The following GALNT13 variants were observed in gnomAD, a reference collection of about 807,000 sequenced individuals.
GALNT13 encodes the protein UDP-GalNAc:polypeptide N-acetylgalactosaminyltransferase 13.
In GALNT13, 28 loss-of-function variants were observed where a neutral mutation model predicts 64.2. The ratio of observed to expected loss-of-function variants is 0.44; its 90% confidence interval spans 0.32 to 0.60. The LOEUF (loss-of-function observed/expected upper bound fraction) is 0.60. GALNT13 is among the 20% of genes least tolerant of loss of function. The pLI is 0.05. For synonymous variants in GALNT13, 214 were observed against 224.6 expected (o/e 0.95, Z 0.42); for missense variants, 577 against 669.8 (o/e 0.86, Z 1.53).
chr2:153,556,116 T>C, the GALNT13 span, among the ~76,000 whole-genome samples: 2 of 152,228 alleles, frequency 1.3e-5, no homozygotes, highest in Non-Finnish European at 2.9e-5. Context: ...TTCATTTTTC[T>C]TTTTTCATAG....
the GALNT13 span, among the ~76,000 whole-genome samples, chr2:153,526,943 AGAAG>A: frequency 6.6e-6 from 1 of 152,190 alleles, no homozygotes; most frequent in Non-Finnish European, 1.5e-5. Context: ...AGAACTGAGC[AGAAG>A]AAGAAACCCT....
At chr2:154,454,643 C>G (rs961876475), downstream of GALNT13, 11 of 151,284 alleles carry the variant, frequency 7.3e-5, no homozygotes, top group African/African-American at 2.2e-4. Flanking sequence ...AGCCTCAAGA[C>G]TGTCTCAAAA....
chr2:154,252,875 G>A (rs955392716), intron 7 of GALNT13, among the ~76,000 whole-genome samples: 7 of 151,994 alleles, frequency 4.6e-5, no homozygotes, highest in African/African-American at 1.7e-4. Context: ...AACTAGTTAG[G>A]GGTCCTTGAA....
chr2:153,319,350 T>C, the GALNT13 span, among the ~76,000 whole-genome samples: 4 of 152,300 alleles, frequency 2.6e-5, no homozygotes, highest in South Asian at 8.3e-4. Flanking sequence ...TCATGGCTCA[T>C]TGCCGCCTCA....
intron 7 of GALNT13, among the ~76,000 whole-genome samples, chr2:154,248,386 T>C (rs191438249): frequency 3.9e-5 from 6 of 152,238 alleles, no homozygotes; most frequent in Admixed American, 2.6e-4. Context: ...TAATTACGAA[T>C]ATATATTTTC....
chr2:154,392,719 A>C (rs35237541), intron 9 of GALNT13, among the ~76,000 whole-genome samples: 9,104 of 152,296 alleles, frequency 0.06, 284 homozygotes, highest in Middle Eastern at 0.12. Context: ...AAATCACGGT[A>C]CACTTTTGGT....
At chr2:153,197,992 C>A in the GALNT13 span, among the ~76,000 whole-genome samples, 1 of 152,170 alleles carries the variant, frequency 6.6e-6, no homozygotes, top group African/African-American at 2.4e-5. Flanking sequence ...CTGTACCTCC[C>A]TTGGCCCTGC....
intron 11 of GALNT13, among the ~76,000 whole-genome samples, chr2:154,413,023 G>C (rs1290893750): frequency 6.6e-6 from 1 of 151,892 alleles, no homozygotes. Flanking sequence ...CTGAAATAAA[G>C]TATAGCAGTT....
At chr2:153,093,236 C>CTTTTTTTTTTTTTTTTTTTT in the GALNT13 span, among the ~76,000 whole-genome samples, 1 of 129,010 alleles carries the variant, frequency 7.8e-6, no homozygotes, top group African/African-American at 2.8e-5. Context: ...TTTTTCTTTT[C>CTTTTTTTTTTTTTTTTTTTT]TTTTCTTTTT....
the GALNT13 span, among the ~76,000 whole-genome samples, chr2:153,095,661 G>C: frequency 6.6e-6 from 1 of 152,146 alleles, no homozygotes; most frequent in African/African-American, 2.4e-5. Flanking sequence ...TGATAGACTG[G>C]ATTAAGAAAA....
the GALNT13 span, among the ~76,000 whole-genome samples, chr2:153,682,395 C>A: frequency 2.6e-5 from 4 of 151,686 alleles, no homozygotes; most frequent in South Asian, 2.1e-4. Flanking sequence ...TACACAGATT[C>A]CTAAATCAAT....
the GALNT13 span, among the ~76,000 whole-genome samples, chr2:153,669,951 T>A: frequency 1.1e-5 from 1 of 93,494 alleles, no homozygotes; most frequent in South Asian, 4.0e-4. Flanking sequence ...CCTGGGACAC[T>A]GGAACTTGGG....
intron 5 of GALNT13, 72 bp from the exon 6 acceptor site, chr2:154,242,625 TC>T: frequency 1.1e-6 from 1 of 930,216 alleles, no homozygotes; most frequent in South Asian, 1.5e-5. Flanking sequence ...TGAATTTCCA[TC>T]TTGGTAGTAT....
chr2:153,824,490 GTTGTGACAA>G, the GALNT13 span, among the ~76,000 whole-genome samples: 1 of 152,158 alleles, frequency 6.6e-6, no homozygotes, highest in Non-Finnish European at 1.5e-5. Context: ...TGTTCAGGGA[GTTGTGACAA>G]TGGGCATATG....
At chr2:153,642,183 A>G in the GALNT13 span, among the ~76,000 whole-genome samples, 1 of 151,874 alleles carries the variant, frequency 6.6e-6, no homozygotes, top group African/African-American at 2.4e-5. Flanking sequence ...GTTCTTTACT[A>G]TGTTAGTCTA....
chr2:153,527,043 TAGAA>T, the GALNT13 span, among the ~76,000 whole-genome samples: 1 of 152,078 alleles, frequency 6.6e-6, no homozygotes, highest in Non-Finnish European at 1.5e-5. Context: ...CTTCAGGATC[TAGAA>T]AATAGCTTCA....
chr2:153,847,677 G>C, the GALNT13 span, among the ~76,000 whole-genome samples: 1 of 152,088 alleles, frequency 6.6e-6, no homozygotes, highest in African/African-American at 2.4e-5. Context: ...TTTGAGTTAA[G>C]TGGTAATAAA....
intron 9 of GALNT13, among the ~76,000 whole-genome samples, chr2:154,365,017 C>A (rs79337866): frequency 6.6e-6 from 1 of 152,090 alleles, no homozygotes; most frequent in South Asian, 2.1e-4. Flanking sequence ...GTACTTTTTG[C>A]AAAAATATAA....
the GALNT13 span, among the ~76,000 whole-genome samples, chr2:153,473,145 C>A: frequency 6.6e-6 from 1 of 151,964 alleles, no homozygotes; most frequent in African/African-American, 2.4e-5. Context: ...ATGTAATAAA[C>A]CTACATGTTC....
Sources: allele counts gnomAD v4.1 joint callset (sites outside exome capture counted in the v4.1 genomes callset), GRCh38; gene constraint gnomAD v4.1.1; transcripts MANE v1.5; gene names NCBI Gene and HGNC (gene_info 2026-07-23, HGNC 2026-07-21).